MAPT: variants seen among roughly 807,000 people sequenced by gnomAD.
MAPT encodes microtubule associated protein tau.
MAPT carries 34 observed loss-of-function variants against 67.9 expected under a neutral mutation model. The ratio of observed to expected loss-of-function variants is 0.50; its 90% CI spans 0.38 to 0.67. MAPT has a LOEUF of 0.67. MAPT is among the 30% of genes least tolerant of loss of function. MAPT has a pLI of 0.00. For synonymous variants in MAPT, 456 were observed against 464.5 expected, an observed-to-expected ratio of 0.98 and a Z score of 0.23; for missense variants, 881 against 1,115.2, an observed-to-expected ratio of 0.79 and a Z score of 2.99.
chr17:45,904,800 C>T (rs766181215), intron 1 of MAPT, among the ~76,000 whole-genome samples: 4 of 151,942 alleles, frequency 2.6e-5, no homozygotes, highest in African/African-American at 7.3e-5. Context: ...GCCAAAAACC[C>T]GAACAGCTTT....
intron 2 of MAPT, among the ~76,000 whole-genome samples, chr17:45,966,604 A>T (rs1374118820): frequency 6.6e-6 from 1 of 152,138 alleles, no homozygotes; most frequent in African/African-American, 2.4e-5. Context: ...ACAAAAATGA[A>T]ATAAAGTCCA....
chr17:45,991,946 G>A (rs1368369870), intron 8 of MAPT, among the ~76,000 whole-genome samples: 4 of 151,878 alleles, frequency 2.6e-5, no homozygotes, highest in Non-Finnish European at 4.4e-5. Context: ...CACTATGCCC[G>A]GCTAATTTTT....
Position 45,991,491 on chromosome 17 carries a change from C to A in MAPT, c.1637C>A (p.Pro546Gln). 2 of 1,614,200 alleles carry A rather than the reference C, an allele frequency of 1.2e-6. No homozygotes were observed. The highest frequency in any genetic ancestry group is 1.7e-6 in the Non-Finnish European group (2 of 1,180,026). The change falls in exon 8 of 13, where the codon CCG (proline) becomes CAG (glutamine). Residue 546 changes from proline (P) to glutamine (Q), a missense_variant. Physicochemically the swap from Pro to Gln is moderately conservative, Grantham distance 76 (BLOSUM62 -1). Transcript: ENST00000262410. ...GATGGTAAAACGAAGATCGCCACAC[C>A]GCGGGGAGCAGCCCCTCCAGGCCAG... ...GADGKTKIAT[P>Q]RGAAPPGQKG...
chr17:45,966,104 A>G (rs1427178741), intron 2 of MAPT, among the ~76,000 whole-genome samples: 1 of 152,234 alleles, frequency 6.6e-6, no homozygotes, highest in Non-Finnish European at 1.5e-5. Flanking sequence ...GTGAAAAATG[A>G]CATTCTATTT....
chr17:46,020,155 C>G (rs2076436996), intron 12 of MAPT, among the ~76,000 whole-genome samples: 1 of 152,130 alleles, frequency 6.6e-6, no homozygotes. Flanking sequence ...AAATGGGTTA[C>G]TAGGCACTTA....
At chr17:45,972,091 C>T (rs1283516095) in intron 3 of MAPT, 146 bp downstream of exon 3, 1 of 723,330 alleles carries the variant, frequency 1.4e-6, no homozygotes, top group East Asian at 2.7e-5. Flanking sequence ...GTGGTGGGAG[C>T]TGAGCCTTGC....
rs770893022 is a variant in MAPT, at chr17:45,983,511, A to AGGCCTCCCCAGCCCAAGATGGGC, written c.944_966dup (p.Thr323ProfsTer50). On this transcript the variant is annotated frameshift_variant, in exon 5 of 13. Transcript: ENST00000262410. LOFTEE classifies it high-confidence loss of function. ...TCCCCCCAAGACTCCCCTCCCTCCA[A>AGGCCTCCCCAGCCCAAGATGGGC]GGCCTCCCCAGCCCAAGATGGGCGG... The AGGCCTCCCCAGCCCAAGATGGGC allele has an allele frequency of 1.1e-5, 18 of 1,612,712 alleles. No homozygotes were observed. The highest frequency in any genetic ancestry group is 2.2e-5 in the East Asian group (1 of 44,876).
chr17:46,025,371 C>T lies in MAPT; in HGVS notation c.*1200C>T, dbSNP rs1337263031. The T allele has an allele frequency of 6.7e-6, 1 of 148,364 alleles. No homozygotes were observed. The highest frequency in any genetic ancestry group is 1.9e-4 in the East Asian group (1 of 5,188). 9.2% of individuals were successfully genotyped at this position (148,364 alleles called of 1,614,324 possible). On this transcript the variant is annotated 3_prime_UTR_variant, in exon 13 of 13. Coordinates refer to ENST00000262410, the MANE Select transcript of MAPT (RefSeq NM_001377265.1). ...GAGAGCCCAATCACTGCCTATACCC[C>T]TCATCACACGTCACAATGTCCCGAA...
At chr17:45,984,809 G>A (rs1189117008) in intron 5 of MAPT, among the ~76,000 whole-genome samples, 1 of 152,230 alleles carries the variant, frequency 6.6e-6, no homozygotes, top group Non-Finnish European at 1.5e-5. Context: ...TCAGGGAGAG[G>A]AGAGTTGGTG....
At chr17:45,999,015 G>T (rs1457987138) in intron 9 of MAPT, among the ~76,000 whole-genome samples, 2 of 152,078 alleles carry the variant, frequency 1.3e-5, no homozygotes, top group Non-Finnish European at 2.9e-5. Flanking sequence ...CCCACAAGGT[G>T]CTCCCTTCCC....
intron 1 of MAPT, among the ~76,000 whole-genome samples, chr17:45,911,910 T>C (rs2064826677): frequency 6.6e-6 from 1 of 152,240 alleles, no homozygotes; most frequent in Non-Finnish European, 1.5e-5. Flanking sequence ...TTTGGAGTTT[T>C]GAATGCTAAA....
intron 9 of MAPT, among the ~76,000 whole-genome samples, chr17:45,998,693 T>C (rs1045656459): frequency 1.3e-5 from 2 of 152,024 alleles, no homozygotes; most frequent in African/African-American, 4.8e-5. Context: ...AACTCACAGG[T>C]GACCCAGGGC....
At chr17:46,006,956 A>T (rs571595549) in intron 9 of MAPT, among the ~76,000 whole-genome samples, 3 of 126,912 alleles carry the variant, frequency 2.4e-5, no homozygotes, top group East Asian at 2.2e-4. Context: ...TAAAATAATA[A>T]AATAAAATAA....
At chr17:45,990,973 G>A (rs2435214) in intron 7 of MAPT, among the ~76,000 whole-genome samples, 21,584 of 152,154 alleles carry the variant, frequency 0.14, 1,824 homozygotes, top group East Asian at 0.2. Flanking sequence ...GGTTGTTTGC[G>A]AGAGAATGAA....
chr17:46,008,127 C>T (rs1327474713), intron 9 of MAPT, among the ~76,000 whole-genome samples: 1 of 152,226 alleles, frequency 6.6e-6, no homozygotes, highest in Non-Finnish European at 1.5e-5. Context: ...GACGAAGTCT[C>T]ATTCTGTCAC....
chr17:45,955,839 G>A (rs1020748319), intron 1 of MAPT, among the ~76,000 whole-genome samples: 3 of 151,912 alleles, frequency 2.0e-5, no homozygotes, highest in Non-Finnish European at 4.4e-5. Context: ...AGGTTCAAGC[G>A]ATTCTCCAGC....
intron 2 of MAPT, among the ~76,000 whole-genome samples, chr17:45,967,630 GA>G (rs1568250429): frequency 6.6e-6 from 1 of 152,154 alleles, no homozygotes; most frequent in Admixed American, 6.5e-5. Context: ...TGAGGTGTCT[GA>G]TCTCACAGTG....
intron 11 of MAPT, among the ~76,000 whole-genome samples, chr17:46,017,156 T>C (rs1386647877): frequency 6.6e-6 from 1 of 152,234 alleles, no homozygotes; most frequent in Non-Finnish European, 1.5e-5. Flanking sequence ...CCACCCCAGC[T>C]GTGAGAGCAG....
At chr17:45,933,354 C>T (rs1282671105) in intron 1 of MAPT, among the ~76,000 whole-genome samples, 2 of 150,958 alleles carry the variant, frequency 1.3e-5, no homozygotes, top group Non-Finnish European at 2.9e-5. Context: ...AAGTGATTCT[C>T]GTGCCTCAGC....
Sources: allele counts gnomAD v4.1 joint callset (sites outside exome capture counted in the v4.1 genomes callset), GRCh38; gene constraint gnomAD v4.1.1; transcripts MANE v1.5; gene names NCBI Gene and HGNC (gene_info 2026-07-23, HGNC 2026-07-21).